Variants in PRMT8 observed in about 807,000 individuals in gnomAD.
The protein encoded by PRMT8 is protein arginine methyltransferase 8.
Under a neutral mutation model 47.1 loss-of-function variants are expected in PRMT8, and 7 were observed. The ratio of observed to expected loss-of-function variants is 0.15; its 90% CI spans 0.08 to 0.28. PRMT8 has a LOEUF of 0.28. Ranked by LOEUF, PRMT8 falls within the 10% of genes least tolerant of loss-of-function variation. The pLI is 1.00. For missense variants in PRMT8, 237 were observed against 505.4 expected (o/e 0.47, Z 5.09); for synonymous variants, 188 against 186.5 (o/e 1.01, Z -0.07).
At chr12:3,525,990 G>A (rs2137147441) in intron 1 of PRMT8, among the ~76,000 whole-genome samples, 1 of 152,196 alleles carries the variant, frequency 6.6e-6, no homozygotes, top group South Asian at 2.1e-4. Flanking sequence ...TTTTCGTCTT[G>A]CAAAACTGAA....
At chr12:3,507,411 G>T (rs924600997) in intron 1 of PRMT8, among the ~76,000 whole-genome samples, 1 of 152,174 alleles carries the variant, frequency 6.6e-6, no homozygotes, top group East Asian at 1.9e-4. Flanking sequence ...GTGAACCACC[G>T]CGCCCAGCCA....
chr12:3,507,356 C>T (rs1194850544), intron 1 of PRMT8, among the ~76,000 whole-genome samples: 4 of 152,190 alleles, frequency 2.6e-5, no homozygotes, highest in South Asian at 2.1e-4. Context: ...CTCCTGACCT[C>T]GTGATCCGCC....
chr12:3,472,589 C>A (rs1240586156), intron 1 of PRMT8, among the ~76,000 whole-genome samples: 1 of 152,194 alleles, frequency 6.6e-6, no homozygotes, highest in Non-Finnish European at 1.5e-5. Flanking sequence ...CTTAGAAGTT[C>A]TTTGGGAAGT....
At chr12:3,498,423 C>T (rs1160711853) in intron 1 of PRMT8, among the ~76,000 whole-genome samples, 1 of 152,220 alleles carries the variant, frequency 6.6e-6, no homozygotes, top group Admixed American at 6.5e-5. Flanking sequence ...GGAAGAGACA[C>T]CAGCCCAGCT....
Position 3,578,230 on chromosome 12 carries a change from A to AT in PRMT8, c.828+1254dup, listed in dbSNP as rs1246195301. ...TGAACAGTTTCATGTACCACAAGCT[A>AT]TTTTTTTTTTGAGACAGGATCTCTT... On this transcript the variant is annotated intron_variant, in intron 7 of 9. Coordinates refer to ENST00000382622, the MANE Select transcript of PRMT8 (RefSeq NM_019854.5). Among the ~76,000 whole-genome samples the AT allele has an allele frequency of 1.2e-3, 180 of 149,446 alleles. 1 individual carries two copies. Among genetic ancestry groups the AT allele is most frequent in the African/African-American group, 2.9e-3 (120 of 40,796 alleles).
chr12:3,507,808 G>A (rs1364917298), intron 1 of PRMT8, among the ~76,000 whole-genome samples: 1 of 149,042 alleles, frequency 6.7e-6, no homozygotes, highest in African/African-American at 2.5e-5. Context: ...ACCCAGGCTG[G>A]AGTGCAGTGG....
At position 3,436,619 on chromosome 12, in the gene PRMT8, C is replaced by T. The variant is rs1264082546; in HGVS notation, c.48+55177C>T. On this transcript the variant is annotated intron_variant, in intron 1 of 9. Transcript: ENST00000452611. The surrounding 1 kb of genome is among the most constrained non-coding windows in gnomAD (Gnocchi z 4.2). The stretch of plus-strand genomic sequence containing the variant: ...GACTGGGCTCCACTGTCCCCTTTTG[C>T]GTTGAGAAGTTTCAGCTGGGTGCAT... Among the ~76,000 whole-genome samples the T allele has an allele frequency of 6.6e-6, 1 of 152,158 alleles. No homozygotes were observed. The highest frequency in any genetic ancestry group is 1.5e-5 in the Non-Finnish European group (1 of 68,018).
At chr12:3,549,737 G>A (rs1457102762) in intron 2 of PRMT8, among the ~76,000 whole-genome samples, 199 bp from the exon 3 acceptor site, 1 of 152,182 alleles carries the variant, frequency 6.6e-6, no homozygotes, top group Non-Finnish European at 1.5e-5. Flanking sequence ...TCTGAGTAGA[G>A]TTTTAAGGCA....
intron 4 of PRMT8, among the ~76,000 whole-genome samples, chr12:3,561,342 C>T (rs1866633127): frequency 6.6e-6 from 1 of 152,204 alleles, no homozygotes; most frequent in South Asian, 2.1e-4. Flanking sequence ...AGACCAAATA[C>T]AATCTGTTGT....
chr12:3,422,549 T>C (rs2191203), intron 1 of PRMT8, among the ~76,000 whole-genome samples: 150,013 of 152,324 alleles, frequency 0.98, 73,912 homozygotes, highest in Non-Finnish European at 1. Flanking sequence ...GTGAAAGGGT[T>C]GTGATTGATT....
chr12:3,537,903 G>A (rs1434270728), intron 1 of PRMT8, among the ~76,000 whole-genome samples: 1 of 152,048 alleles, frequency 6.6e-6, no homozygotes, highest in African/African-American at 2.4e-5. Context: ...CCCCTCCTGT[G>A]TGCTGCTACC....
At chr12:3,417,348 A>G (rs548538491) in intron 1 of PRMT8, among the ~76,000 whole-genome samples, 14 of 152,374 alleles carry the variant, frequency 9.2e-5, no homozygotes, top group Admixed American at 8.5e-4. Flanking sequence ...GCAGATTCTC[A>G]GAGGCTGGGC....
intron 1 of PRMT8, among the ~76,000 whole-genome samples, chr12:3,507,953 A>T (rs1228201559): frequency 6.6e-6 from 1 of 151,562 alleles, no homozygotes; most frequent in African/African-American, 2.4e-5. Context: ...CTTTTTTCCC[A>T]CATTAAAGCT....
In PRMT8 at chr12:3,456,160, C is replaced by G. The variant is rs1864970992; in HGVS notation, c.48+74718C>G. ...AGAGTGCTTTTCTTCCTCACTTAAACCACATTTCCGATGACCACATCCAAG... is the reference window on the plus strand; with the variant it reads ...AGAGTGCTTTTCTTCCTCACTTAAAGCACATTTCCGATGACCACATCCAAG... On this transcript the variant is annotated intron_variant, in intron 1 of 9. Transcript: ENST00000452611. This position sits in a 1 kb window ranked among gnomAD's most constrained non-coding sequence, Gnocchi z 4.2. Among the ~76,000 whole-genome samples the G allele has an allele frequency of 1.3e-5, 2 of 152,198 alleles. No homozygotes were observed. Among genetic ancestry groups the G allele is most frequent in the South Asian group, 4.1e-4 (2 of 4,834 alleles).
chr12:3,555,670 G>A (rs1210283739), intron 4 of PRMT8, among the ~76,000 whole-genome samples: 4 of 152,222 alleles, frequency 2.6e-5, no homozygotes, highest in Non-Finnish European at 5.9e-5. Context: ...GCAGACACAC[G>A]GGAAGAAGCT....
chr12:3,469,712 AATG>A (rs1865139101), intron 1 of PRMT8, among the ~76,000 whole-genome samples: 1 of 152,206 alleles, frequency 6.6e-6, no homozygotes, highest in Non-Finnish European at 1.5e-5. Flanking sequence ...ATGATAGGTG[AATG>A]ATATCTCAAT....
chr12:3,516,319 A>G (rs965425079), intron 1 of PRMT8, among the ~76,000 whole-genome samples: 1 of 144,116 alleles, frequency 6.9e-6, no homozygotes, highest in African/African-American at 2.9e-5. Context: ...TAAGGGGTTC[A>G]TTCATTCATT....
At chr12:3,402,833 G>T (rs961283620) in intron 1 of PRMT8, among the ~76,000 whole-genome samples, 1 of 152,180 alleles carries the variant, frequency 6.6e-6, no homozygotes, top group Non-Finnish European at 1.5e-5. Flanking sequence ...TGCTGGTGAG[G>T]TTGTGGAGAA....
chr12:3,436,723 A>G lies in PRMT8; in HGVS notation c.48+55281A>G, dbSNP rs1864745900. Among the ~76,000 whole-genome samples, 1 of 152,208 alleles carries G rather than the reference A, an allele frequency of 6.6e-6. No homozygotes were observed. The highest frequency in any genetic ancestry group is 1.9e-4 in the East Asian group (1 of 5,198). ...AAAGCCATGAGTCGGTTAAACATCAAGGTGAAGTTATTTCCAGCGGATCGA... is the reference window on the plus strand; with the variant it reads ...AAAGCCATGAGTCGGTTAAACATCAGGGTGAAGTTATTTCCAGCGGATCGA... On this transcript the variant is annotated intron_variant, in intron 1 of 9. Transcript: ENST00000452611. The surrounding 1 kb of genome is among the most constrained non-coding windows in gnomAD (Gnocchi z 4.2).
Sources: allele counts gnomAD v4.1 joint callset (sites outside exome capture counted in the v4.1 genomes callset), GRCh38; gene constraint gnomAD v4.1.1; non-coding constraint Gnocchi (gnomAD v3.1); transcripts MANE v1.5; gene names NCBI Gene and HGNC (gene_info 2026-07-23, HGNC 2026-07-21).